RIMBP2: variants seen among roughly 807,000 people sequenced by gnomAD.
RIMBP2 encodes the protein RIMS binding protein 2, also known as RIMS-binding protein 2.
In RIMBP2, 48 loss-of-function variants were observed where a neutral mutation model predicts 118.6. The ratio of observed to expected loss-of-function variants is 0.40; its 90% CI spans 0.32 to 0.51. The LOEUF (loss-of-function observed/expected upper bound fraction) is 0.51, where lower values mean the gene tolerates loss of function less well. Among genes scored for constraint, RIMBP2 ranks in the 20% least tolerant of loss-of-function variants. RIMBP2 has a pLI of 0.41. For missense variants in RIMBP2, 1,551 were observed against 1,768.3 expected (o/e 0.88, Z 2.20); for synonymous variants, 762 against 742.9 (o/e 1.03, Z -0.42).
intron 1 of RIMBP2, among the ~76,000 whole-genome samples, chr12:130,648,988 T>C (rs1566425974): frequency 6.9e-6 from 1 of 145,380 alleles, no homozygotes; most frequent in African/African-American, 2.5e-5. Flanking sequence ...CACCACGGGT[T>C]AAATACTGTG....
At chr12:130,509,667 C>T (rs1030703187) in intron 3 of RIMBP2, among the ~76,000 whole-genome samples, 1 of 152,144 alleles carries the variant, frequency 6.6e-6, no homozygotes, top group Non-Finnish European at 1.5e-5. Flanking sequence ...CCATGGCCCC[C>T]GGCCTCTGCT....
At chr12:130,702,238 C>T (rs2632600) in intron 1 of RIMBP2, among the ~76,000 whole-genome samples, 2 of 151,816 alleles carry the variant, frequency 1.3e-5, no homozygotes, top group Admixed American at 1.3e-4. Flanking sequence ...CATGTGGGAC[C>T]GGGCACAGTG....
intron 2 of RIMBP2, among the ~76,000 whole-genome samples, chr12:130,595,894 C>T (rs989387157): frequency 6.6e-6 from 1 of 152,186 alleles, no homozygotes; most frequent in African/African-American, 2.4e-5. Flanking sequence ...ACTCAACGTA[C>T]CCAGTGTGGA....
In RIMBP2 at chr12:130,617,564, G is replaced by A. The variant is rs1392155420; in HGVS notation, c.-217+10758C>T. The stretch of plus-strand genomic sequence containing the variant: ...AGATACTGCTAGAAGCTGCTTAGTG[G>A]GAGGTATTGAGAAGGGCCTGGAGGC... On this transcript the variant is annotated intron_variant, in intron 2 of 22. Transcript: ENST00000690449. This position sits in a 1 kb window ranked among gnomAD's most constrained non-coding sequence, Gnocchi z 4.6. 6.6e-6 allele frequency among the ~76,000 whole-genome samples: 1 copy of A among 152,216 alleles called. No individual in the cohort carries two copies. Among genetic ancestry groups the A allele is most frequent in the Non-Finnish European group, 1.5e-5 (1 of 68,038 alleles).
intron 2 of RIMBP2, among the ~76,000 whole-genome samples, chr12:130,607,255 A>T (rs1212849040): frequency 6.6e-6 from 1 of 152,016 alleles, no homozygotes; most frequent in East Asian, 1.9e-4. Context: ...TGGGCAGAGC[A>T]CTCACTCTCC....
intron 2 of RIMBP2, among the ~76,000 whole-genome samples, chr12:130,582,491 A>C (rs538596854): frequency 2.0e-4 from 31 of 152,208 alleles, no homozygotes; most frequent in African/African-American, 7.5e-4. Context: ...GGAAGCATGC[A>C]TCCCCCAAGA....
chr12:130,614,505 A>G (rs139988175), intron 2 of RIMBP2, among the ~76,000 whole-genome samples: 1 of 152,360 alleles, frequency 6.6e-6, no homozygotes, highest in African/African-American at 2.4e-5. Context: ...GGGAATGTTG[A>G]TTCCTGGAGT....
chr12:130,612,575 G>T (rs531184524), intron 2 of RIMBP2, among the ~76,000 whole-genome samples: 5 of 152,268 alleles, frequency 3.3e-5, no homozygotes, highest in Non-Finnish European at 5.9e-5. Flanking sequence ...ATGGGAAAAT[G>T]GTGTTTTTTA....
Position 130,453,061 on chromosome 12 carries a change from G to A in RIMBP2, c.359-1721C>T, listed in dbSNP as rs145278876. 5.4e-3 allele frequency among the ~76,000 whole-genome samples: 825 copies of A among 152,270 alleles called. 5 individuals are homozygous for A. Among genetic ancestry groups the A allele is most frequent in the Non-Finnish European group, 6.5e-3 (445 of 68,030 alleles). On this transcript the variant is annotated intron_variant, in intron 7 of 22. Transcript: ENST00000690449. ...TCATGATGGTAATGCTTCAAAATAC[G>A]TATGTTCTAGAAAAATATAGGTCAA...
At chr12:130,544,520 A>C (rs886521860) in intron 2 of RIMBP2, among the ~76,000 whole-genome samples, 1 of 150,024 alleles carries the variant, frequency 6.7e-6, no homozygotes, top group Non-Finnish European at 1.5e-5. Context: ...CACGCTGGTC[A>C]TGTTTTACAG....
Position 130,406,282 on chromosome 12 carries a change from C to T in RIMBP2, c.3694-39G>A, listed in dbSNP as rs75032166. On this transcript the variant is annotated intron_variant, in intron 20 of 22. Coordinates refer to ENST00000690449, the MANE Select transcript of RIMBP2 (RefSeq NM_001393629.1). The stretch of plus-strand genomic sequence containing the variant: ...ACATAAAATTAATCGTATTTTTCTA[C>T]ACAACAGTAGTAGTTTTTTAAAAAT... 1.8e-5 allele frequency: 25 copies of T among 1,371,916 alleles called. No homozygotes were observed. In the East Asian group the frequency reaches 4.8e-4, roughly 26 times the overall value. 85.0% of individuals were successfully genotyped at this position (1,371,916 alleles called of 1,614,324 possible).
intron 16 of RIMBP2, among the ~76,000 whole-genome samples, chr12:130,423,687 C>A (rs1266730645): frequency 6.7e-4 from 79 of 118,658 alleles, no homozygotes; most frequent in Middle Eastern, 5.1e-3. Context: ...TAGATTTCTT[C>A]AATCTTTTTT....
At chr12:130,715,491 GTGGTCCCGTACGCGC>G (rs1950265889) in intron 1 of RIMBP2, among the ~76,000 whole-genome samples, 1 of 152,172 alleles carries the variant, frequency 6.6e-6, no homozygotes, top group Non-Finnish European at 1.5e-5. Context: ...TCCTGGGCGG[GTGGTCCCGTACGCGC>G]TGCCTTTCCC....
intron 2 of RIMBP2, among the ~76,000 whole-genome samples, chr12:130,616,222 C>T (rs2060926102): frequency 1.3e-5 from 2 of 152,158 alleles, no homozygotes; most frequent in South Asian, 4.1e-4. Context: ...GATGACTAGA[C>T]ACATGCCACA....
intron 1 of RIMBP2, among the ~76,000 whole-genome samples, chr12:130,642,868 G>A (rs879475286): frequency 1.3e-5 from 2 of 152,182 alleles, no homozygotes; most frequent in Non-Finnish European, 2.9e-5. Flanking sequence ...AACGGGTCAC[G>A]TGCCCTCTCG....
intron 2 of RIMBP2, among the ~76,000 whole-genome samples, chr12:130,607,671 C>T (rs1021536416): frequency 6.6e-6 from 1 of 152,054 alleles, no homozygotes; most frequent in Non-Finnish European, 1.5e-5. Flanking sequence ...ACAAATCCGA[C>T]TCCCCAGCAA....
At chr12:130,473,003 A>G (rs2081134244) in intron 5 of RIMBP2, among the ~76,000 whole-genome samples, 1 of 152,230 alleles carries the variant, frequency 6.6e-6, no homozygotes, top group Non-Finnish European at 1.5e-5. Flanking sequence ...CAGGGATTAT[A>G]TAAATGATGC....
chr12:130,523,558 C>T lies in RIMBP2; in HGVS notation c.-216-5641G>A, dbSNP rs998568829. On this transcript the variant is annotated intron_variant, in intron 2 of 22. Transcript: ENST00000690449. This position sits in a 1 kb window ranked among gnomAD's most constrained non-coding sequence, Gnocchi z 4.4. ...GACACCCCCTTCCCCATCAGGAGCT[C>T]CAGTTAAATCCCCATTTCAATGGAC... is the stretch of plus-strand genomic sequence containing the variant. 6.6e-6 allele frequency among the ~76,000 whole-genome samples: 1 copy of T among 152,202 alleles called. No homozygotes were observed. Among genetic ancestry groups the T allele is most frequent in the African/African-American group, 2.4e-5 (1 of 41,448 alleles).
At chr12:130,423,393 G>A (rs570625129) in intron 16 of RIMBP2, among the ~76,000 whole-genome samples, 2 of 152,192 alleles carry the variant, frequency 1.3e-5, no homozygotes, top group Non-Finnish European at 2.9e-5. Flanking sequence ...GCAAGCACAC[G>A]GCCTCAGACC....
Sources: allele counts gnomAD v4.1 joint callset (sites outside exome capture counted in the v4.1 genomes callset), GRCh38; gene constraint gnomAD v4.1.1; non-coding constraint Gnocchi (gnomAD v3.1); transcripts MANE v1.5; gene names NCBI Gene and HGNC (gene_info 2026-07-23, HGNC 2026-07-21).